Variants in PDE1A observed in about 807,000 individuals in gnomAD.
The protein encoded by PDE1A is dual specificity calcium/calmodulin-dependent 3',5'-cyclic nucleotide phosphodiesterase 1A.
Under a neutral mutation model 61.7 loss-of-function variants are expected in PDE1A, and 35 were observed. The ratio of observed to expected loss-of-function variants is 0.57; its 90% CI spans 0.43 to 0.75. PDE1A has a LOEUF of 0.75. Among genes scored for constraint, PDE1A ranks in the 30% least tolerant of loss-of-function variants. The pLI is 0.00. For synonymous variants in PDE1A, 232 were observed against 213.2 expected (o/e 1.09, Z -0.77); for missense variants, 597 against 630.6 (o/e 0.95, Z 0.57).
At chr2:182,396,943 T>G (rs985202123) in intron 1 of PDE1A, among the ~76,000 whole-genome samples, 3 of 152,206 alleles carry the variant, frequency 2.0e-5, no homozygotes, top group African/African-American at 7.2e-5. Flanking sequence ...AGTGTTTTTT[T>G]CATGCATCTA....
chr2:182,202,631 T>A (rs759698097), intron 8 of PDE1A, among the ~76,000 whole-genome samples: 4 of 152,110 alleles, frequency 2.6e-5, no homozygotes, highest in Non-Finnish European at 5.9e-5. Flanking sequence ...GCTTCCATCA[T>A]AAGAACCCCA....
the PDE1A span, among the ~76,000 whole-genome samples, chr2:182,649,111 T>C: frequency 1.3e-5 from 2 of 152,182 alleles, no homozygotes; most frequent in East Asian, 1.9e-4. Flanking sequence ...TCTGAAACTA[T>C]CATCTTCAGG....
chr2:182,395,199 A>C (rs1438953487), intron 1 of PDE1A, among the ~76,000 whole-genome samples: 2 of 152,236 alleles, frequency 1.3e-5, no homozygotes, highest in South Asian at 2.1e-4. Flanking sequence ...ATTTGCCTCC[A>C]GCTGGCAAGA....
chr2:182,252,830 A>C (rs571511764), intron 2 of PDE1A, among the ~76,000 whole-genome samples: 118 of 152,306 alleles, frequency 7.7e-4, no homozygotes, highest in African/African-American at 2.7e-3. Flanking sequence ...CCTCACAGAT[A>C]ATGGTGACTC....
At chr2:182,496,285 GGA>G (rs2125900751) in intron 2 of PDE1A, among the ~76,000 whole-genome samples, 1 of 54,246 alleles carries the variant, frequency 1.8e-5, no homozygotes, top group Admixed American at 2.5e-4. Flanking sequence ...AAGACTGCTA[GGA>G]AAAAAAGCCT....
the PDE1A span, among the ~76,000 whole-genome samples, chr2:182,615,192 T>C: frequency 2.6e-4 from 39 of 152,096 alleles, no homozygotes; most frequent in African/African-American, 8.2e-4. Flanking sequence ...TCCATGGGAG[T>C]AAGGTCCAGT....
chr2:182,704,977 T>TA, the PDE1A span, among the ~76,000 whole-genome samples: 2 of 152,250 alleles, frequency 1.3e-5, no homozygotes, highest in East Asian at 1.9e-4. Context: ...CTAAAGTATT[T>TA]AAAAACAGTA....
intron 1 of PDE1A, chr2:182,522,619 T>A (rs969955770): frequency 4.0e-5 from 52 of 1,284,148 alleles, no homozygotes; most frequent in Non-Finnish European, 5.0e-5. Context: ...TGCTCTGACC[T>A]CACAAGAACA....
chr2:182,439,847 C>T (rs1465764025), intron 2 of PDE1A, among the ~76,000 whole-genome samples: 1 of 152,072 alleles, frequency 6.6e-6, no homozygotes, highest in African/African-American at 2.4e-5. Flanking sequence ...GTACATATGG[C>T]TACCTGTTTA....
chr2:182,227,631 C>T (rs768099819), intron 6 of PDE1A, among the ~76,000 whole-genome samples: 3 of 151,930 alleles, frequency 2.0e-5, no homozygotes, highest in Non-Finnish European at 4.4e-5. Context: ...TTATTTACTC[C>T]TCATTGCCAT....
intron 1 of PDE1A, among the ~76,000 whole-genome samples, chr2:182,316,555 T>C (rs1178426062): frequency 6.6e-6 from 1 of 152,176 alleles, no homozygotes; most frequent in African/African-American, 2.4e-5. Flanking sequence ...GCAATGTCAG[T>C]TTTGTTAATA....
chr2:182,352,197 C>A (rs1238410867), intron 1 of PDE1A, among the ~76,000 whole-genome samples: 1 of 152,180 alleles, frequency 6.6e-6, no homozygotes, highest in Non-Finnish European at 1.5e-5. Flanking sequence ...GCAGGCTTGC[C>A]TACTGTTCAC....
At chr2:182,669,568 A>G in the PDE1A span, among the ~76,000 whole-genome samples, 3 of 152,144 alleles carry the variant, frequency 2.0e-5, no homozygotes, top group Non-Finnish European at 4.4e-5. Context: ...ATTTTTCCCT[A>G]TTAAGCATGT....
chr2:182,688,461 T>C, the PDE1A span, among the ~76,000 whole-genome samples: 1 of 152,250 alleles, frequency 6.6e-6, no homozygotes, highest in East Asian at 1.9e-4. Context: ...TAAAATACTT[T>C]ACACACAAGC....
At chr2:182,606,369 G>C in the PDE1A span, among the ~76,000 whole-genome samples, 1 of 152,092 alleles carries the variant, frequency 6.6e-6, no homozygotes, top group African/African-American at 2.4e-5. Context: ...TAGTAGAGAC[G>C]GGGTTTCACC....
In PDE1A at chr2:182,375,216, C is replaced by A. The variant is rs139257877; in HGVS notation, c.53+51362G>T. Among the ~76,000 whole-genome samples the A allele has an allele frequency of 2.6e-5, 4 of 152,184 alleles. No individual in the cohort carries two copies. In the East Asian group the frequency reaches 7.7e-4, roughly 29 times the overall value. On this transcript the variant is annotated intron_variant, in intron 1 of 13. Coordinates refer to ENST00000351439, the Ensembl canonical transcript of PDE1A. Reference sequence around the variant, plus strand: ...TTCAAAACCAATCATGCCTTCCCAGCAGTACCCCAAAGTCCTAACTCATTT... The same window carrying A: ...TTCAAAACCAATCATGCCTTCCCAGAAGTACCCCAAAGTCCTAACTCATTT...
chr2:182,230,706 G>A (rs1034524710), intron 5 of PDE1A, among the ~76,000 whole-genome samples: 14 of 152,138 alleles, frequency 9.2e-5, no homozygotes, highest in Admixed American at 8.5e-4. Flanking sequence ...AGGAATGCTG[G>A]AGTAGTCATA....
At chr2:182,668,981 A>G in the PDE1A span, among the ~76,000 whole-genome samples, 8 of 152,190 alleles carry the variant, frequency 5.3e-5, no homozygotes, top group Non-Finnish European at 8.8e-5. Context: ...CTGTGCTCCA[A>G]TCCCACTCAT....
intron 7 of PDE1A, among the ~76,000 whole-genome samples, chr2:182,223,633 A>G (rs1242778946): frequency 6.6e-6 from 1 of 151,934 alleles, no homozygotes; most frequent in Non-Finnish European, 1.5e-5. Flanking sequence ...TGTCTTAAAC[A>G]TTTTCATGTT....
Sources: gnomAD v4.1 joint callset for allele counts (sites outside exome capture counted in the v4.1 genomes callset) on GRCh38, gnomAD v4.1.1 for gene constraint, MANE v1.5 for transcripts, NCBI Gene and HGNC (gene_info 2026-07-23, HGNC 2026-07-21) for gene names.